HTR3B: variants seen among roughly 807,000 people sequenced by gnomAD.
HTR3B encodes 5-hydroxytryptamine (serotonin) receptor 3B, ionotropic.
A neutral mutation model predicts 42.8 loss-of-function variants in HTR3B; 44 were observed. The ratio of observed to expected loss-of-function variants is 1.03; its 90% CI spans 0.81 to 1.32. HTR3B has a LOEUF of 1.32. Ranked by LOEUF, HTR3B falls within the 40% of genes most tolerant of loss-of-function variation. The probability of loss-of-function intolerance (pLI) is 0.00; values close to 1 mark genes in which losing one functional copy is unlikely to be tolerated. For missense variants in HTR3B, 527 were observed against 536.5 expected, an observed-to-expected ratio of 0.98 and a Z score of 0.17; for synonymous variants, 203 against 209.0, an observed-to-expected ratio of 0.97 and a Z score of 0.25.
At chr11:113,909,531 A>T (rs1949766182) in intron 2 of HTR3B, 76 bp downstream of exon 2, 1 of 1,217,684 alleles carries the variant, frequency 8.2e-7, no homozygotes, top group African/African-American at 1.5e-5. Flanking sequence ...GGAGCCTATG[A>T]GAGGTTATAT....
chr11:113,907,947 G>A (rs189943770), intron 1 of HTR3B, among the ~76,000 whole-genome samples: 13 of 152,314 alleles, frequency 8.5e-5, no homozygotes, highest in African/African-American at 2.6e-4. Flanking sequence ...CTCAGGTAGA[G>A]AGATTCACAG....
At chr11:113,924,438 C>T (rs1591577624) in intron 2 of HTR3B, among the ~76,000 whole-genome samples, 1 of 151,770 alleles carries the variant, frequency 6.6e-6, no homozygotes, top group African/African-American at 2.4e-5. Flanking sequence ...CAACATAGCA[C>T]CACCCTGTTT....
At chr11:113,945,783 C>T (rs1007783463) in intron 8 of HTR3B, 119 bp from the exon 9 acceptor site, 3 of 712,292 alleles carry the variant, frequency 4.2e-6, no homozygotes, top group South Asian at 1.7e-5. Context: ...CAAACACAAC[C>T]CACTGCTCAG....
chr11:113,938,903 G>A (rs1289274828), intron 6 of HTR3B, among the ~76,000 whole-genome samples: 1 of 152,092 alleles, frequency 6.6e-6, no homozygotes, highest in Non-Finnish European at 1.5e-5. Flanking sequence ...GCTGAGGCAG[G>A]AGAATCGCTT....
At chr11:113,940,963 G>A (rs567484364) in intron 6 of HTR3B, among the ~76,000 whole-genome samples, 6 of 152,324 alleles carry the variant, frequency 3.9e-5, no homozygotes, top group South Asian at 2.1e-4. Flanking sequence ...GCTTGGAATC[G>A]GAAGATGTGG....
chr11:113,916,182 T>G (rs770320064), intron 2 of HTR3B, among the ~76,000 whole-genome samples: 1 of 152,244 alleles, frequency 6.6e-6, no homozygotes, highest in South Asian at 2.1e-4. Context: ...CTGTAGTATC[T>G]CAATGTAGTT....
At chr11:113,942,459 C>T (rs1354868090) in intron 6 of HTR3B, among the ~76,000 whole-genome samples, 1 of 152,064 alleles carries the variant, frequency 6.6e-6, no homozygotes, top group Non-Finnish European at 1.5e-5. Context: ...AACTCCGTCA[C>T]ACACACACAC....
upstream of HTR3B, among the ~76,000 whole-genome samples, chr11:113,900,969 T>A (rs184295560): frequency 6.6e-6 from 1 of 152,112 alleles, no homozygotes; most frequent in Admixed American, 6.5e-5. Flanking sequence ...CATGATCCAA[T>A]AACCTCTCAC....
At chr11:113,935,362 T>C (rs537550031) in intron 6 of HTR3B, among the ~76,000 whole-genome samples, 6 of 140,744 alleles carry the variant, frequency 4.3e-5, no homozygotes, top group African/African-American at 1.2e-4. Flanking sequence ...CATGGGTCCT[T>C]TTGCCCCGGG....
Position 113,909,369 on chromosome 11 carries a change from T to C in HTR3B, c.127T>C (p.Tyr43His). The part of the protein sequence containing the change: ...YHLSKQLLQK[Y>H]HKEVRPVYNW... ...TCTCAGCAAGCAGCTATTACAGAAA[T>C]ATCATAAAGAAGTGAGACCTGTTTA... The change falls in exon 2 of 9, where the codon TAT (tyrosine) becomes CAT (histidine). Residue 43 changes from tyrosine (Y) to histidine (H), a missense_variant. Tyr to His is a moderately conservative substitution (Grantham distance 83). Coordinates refer to ENST00000260191, the MANE Select transcript of HTR3B (RefSeq NM_006028.5). 6.2e-7 allele frequency: 1 copy of C among 1,613,614 alleles called. No individual in the cohort carries two copies. The highest frequency in any genetic ancestry group is 8.5e-7 in the Non-Finnish European group (1 of 1,179,512).
At chr11:113,942,884 CGTT>C in intron 6 of HTR3B, 95 bp from the exon 7 acceptor site, 1 of 942,896 alleles carries the variant, frequency 1.1e-6, no homozygotes, top group Non-Finnish European at 1.7e-6. Context: ...TATGCAAAAA[CGTT>C]GGGTCTTCGG....
intron 2 of HTR3B, among the ~76,000 whole-genome samples, chr11:113,914,269 A>T (rs1227962090): frequency 6.6e-6 from 1 of 151,738 alleles, no homozygotes; most frequent in Non-Finnish European, 1.5e-5. Flanking sequence ...GGAGTTTGAG[A>T]CCAGCCTCAA....
intron 3 of HTR3B, 115 bp from the exon 4 acceptor site, chr11:113,931,643 A>G (rs566899244): frequency 2.8e-6 from 2 of 725,684 alleles, no homozygotes; most frequent in African/African-American, 3.5e-5. Flanking sequence ...TTCTCCTAAC[A>G]GGTAGAACCA....
At position 113,927,436 on chromosome 11, in the gene HTR3B, A is replaced by G. The variant is rs189948451; in HGVS notation, c.214-3948A>G. On this transcript the variant is annotated intron_variant, in intron 2 of 8. Coordinates refer to ENST00000260191, the MANE Select transcript of HTR3B (RefSeq NM_006028.5). The stretch of plus-strand genomic sequence containing the variant: ...AAAATACAGAAGAATATAATACTAT[A>G]GAGGAAAAAATTCACGTAATTCAAA... Among the ~76,000 whole-genome samples, 793 of 152,360 alleles carry G rather than the reference A, an allele frequency of 5.2e-3. 1 individual carries two copies. Among genetic ancestry groups the G allele is most frequent in the Non-Finnish European group, 8.4e-3 (570 of 68,046 alleles).
At chr11:113,919,246 A>G (rs1017027375) in intron 2 of HTR3B, among the ~76,000 whole-genome samples, 3 of 152,188 alleles carry the variant, frequency 2.0e-5, no homozygotes, top group African/African-American at 4.8e-5. Context: ...GACACTTCAC[A>G]TAAAATGTAC....
intron 1 of HTR3B, among the ~76,000 whole-genome samples, chr11:113,906,205 C>T (rs1949732409): frequency 6.6e-6 from 1 of 152,238 alleles, no homozygotes; most frequent in East Asian, 1.9e-4. Context: ...GAAAGACCTG[C>T]CCTGTGGAAT....
chr11:113,942,923 C>T (rs901307433), intron 6 of HTR3B, 59 bp from the exon 7 acceptor site: 15 of 1,509,614 alleles, frequency 9.9e-6, no homozygotes, highest in Non-Finnish European at 1.3e-5. Context: ...ATGAATTTGG[C>T]CAAATCTGAG....
chr11:113,910,968 A>C (rs1036475618), intron 2 of HTR3B, among the ~76,000 whole-genome samples: 2 of 150,994 alleles, frequency 1.3e-5, no homozygotes, highest in African/African-American at 4.9e-5. Flanking sequence ...CTGGGACTAC[A>C]GGCGCCCGCC....
rs183502418 is a variant in HTR3B at position 113,948,633 on chromosome 11, G to A, written c.*2496G>A. On this transcript the variant is annotated 3_prime_UTR_variant, in exon 9 of 9. Coordinates refer to ENST00000260191, the MANE Select transcript of HTR3B (RefSeq NM_006028.5). ...AATCCCAACACTTTGGGAGGCTGAG[G>A]TGGGTGGATTACCTGAGGTCAGGAG... Among the ~76,000 whole-genome samples the A allele has an allele frequency of 2.0e-4, 30 of 152,334 alleles. No individual in the cohort carries two copies. Among genetic ancestry groups the A allele is most frequent in the African/African-American group, 7.2e-4 (30 of 41,596 alleles).
Sources: gnomAD v4.1 joint callset for allele counts (sites outside exome capture counted in the v4.1 genomes callset) on GRCh38, gnomAD v4.1.1 for gene constraint, MANE v1.5 for transcripts, NCBI Gene and HGNC (gene_info 2026-07-23, HGNC 2026-07-21) for gene names.